The following FMNL2 variants were observed in gnomAD, a reference collection of about 807,000 sequenced individuals.
FMNL2 encodes the protein formin-like protein 2.
A neutral mutation model predicts 130.2 loss-of-function variants in FMNL2; 51 were observed. That is an observed-to-expected ratio of 0.39 (90% CI 0.31 to 0.49). The LOEUF is 0.49. FMNL2 is among the 20% of genes least tolerant of loss of function. The pLI, the probability that FMNL2 is intolerant of heterozygous loss-of-function variation, is 0.85. For missense variants in FMNL2, 977 were observed against 1,316.2 expected (o/e 0.74, Z 3.99); for synonymous variants, 465 against 467.1 (o/e 1.00, Z 0.06).
chr2:152,534,657 G>A (rs765348249), intron 2 of FMNL2, among the ~76,000 whole-genome samples: 43 of 151,160 alleles, frequency 2.8e-4, no homozygotes, highest in Non-Finnish European at 4.6e-4. Context: ...CATCTCTGGG[G>A]ACTCTGAAAG....
chr2:152,351,475 G>A (rs1367035263), intron 1 of FMNL2, among the ~76,000 whole-genome samples: 1 of 152,110 alleles, frequency 6.6e-6, no homozygotes, highest in East Asian at 1.9e-4. Flanking sequence ...TCCTGTGTTA[G>A]TTTGCTGAGA....
At chr2:152,634,861 G>A (rs923320788) in intron 21 of FMNL2, among the ~76,000 whole-genome samples, 1 of 152,148 alleles carries the variant, frequency 6.6e-6, no homozygotes, top group Non-Finnish European at 1.5e-5. Context: ...TAATGGTTTC[G>A]CTGGAATTCA....
chr2:152,476,998 C>T (rs1410544662), intron 1 of FMNL2, among the ~76,000 whole-genome samples: 3 of 152,056 alleles, frequency 2.0e-5, no homozygotes, highest in African/African-American at 4.8e-5. Context: ...TCTTATTTAT[C>T]GTCTCAAGCT....
chr2:152,431,572 A>G (rs1687491976), intron 1 of FMNL2, among the ~76,000 whole-genome samples: 1 of 152,234 alleles, frequency 6.6e-6, no homozygotes. Context: ...AACATCAAAT[A>G]TATCATTTTT....
At chr2:152,340,852 CGGCTGATTTTT>C (rs1243691299) in intron 1 of FMNL2, among the ~76,000 whole-genome samples, 1 of 151,982 alleles carries the variant, frequency 6.6e-6, no homozygotes, top group Non-Finnish European at 1.5e-5. Context: ...CCACCATGCC[CGGCTGATTTTT>C]GTATTTTTAG....
intron 10 of FMNL2, among the ~76,000 whole-genome samples, chr2:152,609,810 A>G (rs1193847120): frequency 6.6e-6 from 1 of 152,198 alleles, no homozygotes; most frequent in African/African-American, 2.4e-5. Flanking sequence ...GACAAGGAAT[A>G]AGGTGGTTCT....
intron 1 of FMNL2, among the ~76,000 whole-genome samples, chr2:152,427,137 C>T (rs1357193252): frequency 6.6e-6 from 1 of 152,138 alleles, no homozygotes; most frequent in Non-Finnish European, 1.5e-5. Context: ...CTGATTAGGT[C>T]CCAAACTAGC....
At chr2:152,439,092 T>TGTGA (rs1687923143) in intron 1 of FMNL2, among the ~76,000 whole-genome samples, 1 of 151,586 alleles carries the variant, frequency 6.6e-6, no homozygotes, top group African/African-American at 2.4e-5. Context: ...TGTGTGTGTG[T>TGTGA]GTGTGTGTGT....
intron 1 of FMNL2, among the ~76,000 whole-genome samples, chr2:152,377,366 A>T (rs1431814582): frequency 6.6e-6 from 1 of 152,214 alleles, no homozygotes; most frequent in African/African-American, 2.4e-5. Flanking sequence ...TAAGCATCTC[A>T]TCTTATTTTT....
chr2:152,639,504 T>C lies in FMNL2; in HGVS notation c.2947-454T>C, dbSNP rs369666045. Among the ~76,000 whole-genome samples the C allele has an allele frequency of 2.0e-5, 3 of 152,078 alleles. No homozygotes were observed. The East Asian group carries it at 5.8e-4, about 29-fold the overall frequency. The stretch of plus-strand genomic sequence containing the variant: ...TGGGAAGGAGCAAGGCATGGGAGAG[T>C]CCAAGAGTGTCACTCTGGTGAGGCC... On this transcript the variant is annotated intron_variant, in intron 23 of 25. Transcript: ENST00000288670.
At chr2:152,489,641 G>A (rs1228866248) in intron 1 of FMNL2, among the ~76,000 whole-genome samples, 2 of 152,220 alleles carry the variant, frequency 1.3e-5, no homozygotes, top group Non-Finnish European at 2.9e-5. Flanking sequence ...GCTTGGAGGA[G>A]GCTGTGGACT....
chr2:152,363,646 C>A (rs1320156112), intron 1 of FMNL2, among the ~76,000 whole-genome samples: 1 of 152,086 alleles, frequency 6.6e-6, no homozygotes, highest in African/African-American at 2.4e-5. Flanking sequence ...ACTGCAACTT[C>A]CGCTTCCTGG....
chr2:152,397,960 C>T (rs1685490127), intron 1 of FMNL2, among the ~76,000 whole-genome samples: 1 of 152,126 alleles, frequency 6.6e-6, no homozygotes, highest in African/African-American at 2.4e-5. Flanking sequence ...CTCATCTCTA[C>T]TAAAAAATAC....
intron 6 of FMNL2, among the ~76,000 whole-genome samples, chr2:152,569,585 G>T (rs1318726451): frequency 2.6e-5 from 4 of 151,672 alleles, no homozygotes; most frequent in Middle Eastern, 3.4e-3. Flanking sequence ...GGGGGCTGAG[G>T]CAGGAGGATC....
chr2:152,550,919 C>G (rs1363165990), intron 4 of FMNL2, among the ~76,000 whole-genome samples: 2 of 152,042 alleles, frequency 1.3e-5, no homozygotes, highest in African/African-American at 2.4e-5. Context: ...GGGTGGATCA[C>G]CTGAGGTCAG....
intron 10 of FMNL2, among the ~76,000 whole-genome samples, chr2:152,608,731 G>GTTAC (rs1698525823): frequency 6.6e-6 from 1 of 152,034 alleles, no homozygotes; most frequent in Admixed American, 6.6e-5. Context: ...CATGATGTGA[G>GTTAC]TTTCTTTCTT....
intron 5 of FMNL2, among the ~76,000 whole-genome samples, chr2:152,559,930 CT>C (rs1471487629): frequency 6.6e-6 from 1 of 152,186 alleles, no homozygotes; most frequent in African/African-American, 2.4e-5. Context: ...TCTGATTAGT[CT>C]TTTATAGGTG....
intron 2 of FMNL2, among the ~76,000 whole-genome samples, chr2:152,535,814 A>G (rs1236743275): frequency 2.0e-5 from 3 of 152,210 alleles, no homozygotes; most frequent in Non-Finnish European, 2.9e-5. Context: ...GCCATCTATT[A>G]TAGTCAGTAG....
At chr2:152,445,428 A>T (rs1470623411) in intron 1 of FMNL2, among the ~76,000 whole-genome samples, 1 of 152,234 alleles carries the variant, frequency 6.6e-6, no homozygotes, top group Non-Finnish European at 1.5e-5. Context: ...GTCCAATGGA[A>T]CATTTTATAA....
Sources: gnomAD v4.1 joint callset for allele counts (sites outside exome capture counted in the v4.1 genomes callset) on GRCh38, gnomAD v4.1.1 for gene constraint, MANE v1.5 for transcripts, NCBI Gene and HGNC (gene_info 2026-07-23, HGNC 2026-07-21) for gene names.